The following MACF1 variants were observed in gnomAD, a reference collection of about 807,000 sequenced individuals.
The protein encoded by MACF1 is microtubule actin crosslinking factor 1.
In MACF1, 193 loss-of-function variants were observed where a neutral mutation model predicts 854.8. The observed-to-expected ratio is 0.23, with a 90% CI of 0.20 to 0.25. The LOEUF (loss-of-function observed/expected upper bound fraction) is 0.25, where lower values mean the gene tolerates loss of function less well. MACF1 is among the 10% of genes least tolerant of loss of function. The probability of loss-of-function intolerance (pLI) is 1.00; values close to 1 mark genes in which losing one functional copy is unlikely to be tolerated. For missense variants in MACF1, 7,722 were observed against 8,929.1 expected (o/e 0.86, Z 5.45); for synonymous variants, 3,185 against 3,226.7 (o/e 0.99, Z 0.44).
At chr1:39,426,075 A>G (rs1422968944) in intron 61 of MACF1, among the ~76,000 whole-genome samples, 1 of 152,194 alleles carries the variant, frequency 6.6e-6, no homozygotes. Context: ...TCCAAAATCA[A>G]ATGAGTAAGA....
In MACF1 at chr1:39,422,717, G is replaced by C. The variant is rs367565827; in HGVS notation, c.15979-13G>C. ...CTCCGTTCTCATAATGAACCTACATGTTCATGATACAGGTCGCACAAAGAA... is the reference window on the plus strand; with the variant it reads ...CTCCGTTCTCATAATGAACCTACATCTTCATGATACAGGTCGCACAAAGAA... On this transcript the variant is annotated splice_polypyrimidine_tract_variant and intron_variant, in intron 59 of 100. Coordinates refer to ENST00000564288, the MANE Select transcript of MACF1 (RefSeq NM_001394062.1). 2 of 1,612,238 alleles carry C rather than the reference G, an allele frequency of 1.2e-6. No individual in the cohort carries two copies. The highest frequency in any genetic ancestry group is 1.7e-6 in the Non-Finnish European group (2 of 1,178,504).
intron 2 of MACF1, among the ~76,000 whole-genome samples, chr1:39,123,709 CTTGTTTTGTTTT>C (rs1157681287): frequency 3.2e-5 from 3 of 94,388 alleles, no homozygotes; most frequent in Non-Finnish European, 6.5e-5. Flanking sequence ...CCGGCTAATT[CTTGTTTTGTTTT>C]TTTTTTTTTT....
Position 39,388,045 on chromosome 1 carries a change from A to C in MACF1, c.15203A>C (p.Tyr5068Ser), listed in dbSNP as rs1198379033. ...CAGGCCCTAGAGCCTCAGGTAGACT[A>C]TCTGAGGAACTTTACTCAGGGTCTG... The part of the protein sequence containing the change: ...VLQALEPQVD[Y>S]LRNFTQGLVE... The change falls in exon 58 of 101, where the codon TAT (tyrosine) becomes TCT (serine). Residue 5068 changes from tyrosine (Y) to serine (S), a missense_variant. By Grantham distance (144) the Tyr-to-Ser change is moderately radical (BLOSUM62 -2). This residue lies in a region of MACF1 where 2,807 missense variants were observed against 3,235.8 expected (regional missense o/e 0.87). Transcript: ENST00000564288. 5.0e-6 allele frequency: 8 copies of C among 1,614,162 alleles called. No homozygotes were observed. The highest frequency in any genetic ancestry group is 6.8e-6 in the Non-Finnish European group (8 of 1,180,028).
chr1:39,483,141 C>T (rs1450577120), intron 99 of MACF1, among the ~76,000 whole-genome samples: 11 of 149,044 alleles, frequency 7.4e-5, no homozygotes, highest in Non-Finnish European at 1.5e-4. Context: ...ACTCTTTTTC[C>T]TCCAGTTAAG....
intron 6 of MACF1, among the ~76,000 whole-genome samples, chr1:39,280,769 G>A (rs1046275536): frequency 4.0e-5 from 6 of 151,864 alleles, no homozygotes; most frequent in African/African-American, 1.5e-4. Context: ...GTAGAGATGG[G>A]GTTTCACCAT....
At chr1:39,150,658 T>G (rs1222632662) in intron 2 of MACF1, among the ~76,000 whole-genome samples, 1 of 152,162 alleles carries the variant, frequency 6.6e-6, no homozygotes, top group Admixed American at 6.6e-5. Context: ...TCTGCTACAC[T>G]GAAATTGCAG....
chr1:39,457,122 A>G (rs1396265271), intron 89 of MACF1: 1 of 152,258 alleles, frequency 6.6e-6, no homozygotes, highest in Non-Finnish European at 1.5e-5. Context: ...AAGCTTCTGC[A>G]TCTTTTTCAT....
upstream of MACF1, among the ~76,000 whole-genome samples, chr1:39,200,154 A>G (rs572935769): frequency 2.0e-5 from 3 of 152,252 alleles, no homozygotes; most frequent in South Asian, 2.1e-4. Context: ...TCAGTTCTCA[A>G]TCCTCAACTT....
At chr1:39,292,438 A>G (rs912231353) in intron 16 of MACF1, among the ~76,000 whole-genome samples, 1 of 152,110 alleles carries the variant, frequency 6.6e-6, no homozygotes, top group Admixed American at 6.5e-5. Flanking sequence ...TCACTGTTCT[A>G]TCTTCCCAGT....
At chr1:39,405,992 A>T (rs1486813555) in intron 58 of MACF1, among the ~76,000 whole-genome samples, 10 of 152,106 alleles carry the variant, frequency 6.6e-5, no homozygotes, top group African/African-American at 2.4e-4. Flanking sequence ...TAAACTAAGG[A>T]GAAACTCATG....
At position 39,463,668 on chromosome 1, in the gene MACF1, C is replaced by A. The variant is rs770919089; in HGVS notation, c.21735C>A (p.Ile7245=). The change falls in exon 94 of 101, where the codon ATC becomes ATA. Residue 7245 remains isoleucine (I), a synonymous_variant. Coordinates refer to ENST00000564288, the MANE Select transcript of MACF1 (RefSeq NM_001394062.1). The part of the protein sequence containing the change: ...KCAKRFQVEQ[I]GENKYRFFLG... ...CAAAAAGGTTTCAGGTGGAGCAGATCGGAGAGAATAAATACCGGGTAAGGA... is the reference window on the plus strand; with the variant it reads ...CAAAAAGGTTTCAGGTGGAGCAGATAGGAGAGAATAAATACCGGGTAAGGA... 1.2e-6 allele frequency: 2 copies of A among 1,612,892 alleles called. No individual in the cohort carries two copies. Among genetic ancestry groups the A allele is most frequent in the African/African-American group, 2.7e-5 (2 of 74,826 alleles).
At chr1:39,088,262 G>A (rs759847526) in intron 2 of MACF1, among the ~76,000 whole-genome samples, 2 of 152,062 alleles carry the variant, frequency 1.3e-5, no homozygotes, top group African/African-American at 2.4e-5. Context: ...GTGAGCCACC[G>A]CGCCTGGCCC....
chr1:39,438,048 T>TA (rs1177035213), intron 71 of MACF1, 40 bp downstream of exon 71: 6 of 1,567,838 alleles, frequency 3.8e-6, no homozygotes, highest in Non-Finnish European at 5.2e-6. Context: ...ATCAACAGAA[T>TA]AAATTCTAGG....
In MACF1 at chr1:39,424,173, T is replaced by G; in HGVS notation, c.16295T>G (p.Leu5432Arg). 6.2e-7 allele frequency: 1 copy of G among 1,613,668 alleles called. No individual in the cohort carries two copies. The highest frequency in any genetic ancestry group is 8.5e-7 in the Non-Finnish European group (1 of 1,179,868). Residue 5432 changes from leucine (L) to arginine (R), a missense_variant, in exon 61 of 101, where the codon CTA (leucine) becomes CGA (arginine). Coordinates refer to ENST00000564288, the MANE Select transcript of MACF1 (RefSeq NM_001394062.1). ...LESLESRWTELLSKAAARQKQ... is the reference protein window; with the variant it reads ...LESLESRWTERLSKAAARQKQ... ...AGTCTTGAAAGTAGATGGACTGAAC[T>G]ACTCAGTAAGGCAGCAGCCAGGTAA...
intron 58 of MACF1, among the ~76,000 whole-genome samples, chr1:39,408,801 G>C (rs1642829357): frequency 6.6e-6 from 1 of 152,006 alleles, no homozygotes; most frequent in Non-Finnish European, 1.5e-5. Context: ...GGCGTGGGCT[G>C]CGGGAGCCGA....
In MACF1 at chr1:39,332,378, A is replaced by G. The variant is rs138717931; in HGVS notation, c.5790A>G (p.Gln1930=). 1.8e-4 allele frequency: 294 copies of G among 1,614,106 alleles called. No homozygotes were observed. The African/African-American group carries it at 3.2e-3, about 18-fold the overall frequency. The change falls in exon 37 of 101, where the codon CAA becomes CAG. Residue 1930 remains glutamine (Q), a synonymous_variant. Transcript: ENST00000564288. The part of the protein sequence containing the change: ...ICIPDVMPHM[Q]LADSAEQNIN... ...TACCTGATGTGATGCCCCACATGCA[A>G]CTAGCAGACTCTGCAGAACAAAATA...
rs773034088 is a variant in MACF1 at position 39,084,450 on chromosome 1, C to T, written c.220+12C>T. On this transcript the variant is annotated intron_variant, in intron 2 of 93. Coordinates refer to the MACF1 transcript ENST00000361689. This position sits in a 1 kb window ranked among gnomAD's most constrained non-coding sequence, Gnocchi z 5.2. Reference sequence around the variant, plus strand: ...GGTCAGAGTCGCTGGTAAGAGAGGTCCCCCAGCAGGCTGGACGCTGTGGGT... The same window carrying T: ...GGTCAGAGTCGCTGGTAAGAGAGGTTCCCCAGCAGGCTGGACGCTGTGGGT... 3.7e-6 allele frequency: 6 copies of T among 1,601,528 alleles called. No homozygotes were observed. The highest frequency in any genetic ancestry group is 2.7e-5 in the African/African-American group (2 of 74,934).
intron 2 of MACF1, among the ~76,000 whole-genome samples, chr1:39,144,002 A>ATGATC (rs1643406694): frequency 1.3e-5 from 2 of 149,472 alleles, no homozygotes; most frequent in African/African-American, 4.9e-5. Flanking sequence ...GTTAGCCAGG[A>ATGATC]TGATCTTGAT....
intron 15 of MACF1, among the ~76,000 whole-genome samples, chr1:39,288,301 A>T (rs1249776369): frequency 6.6e-6 from 1 of 151,934 alleles, no homozygotes; most frequent in Admixed American, 6.6e-5. Context: ...GATCGAGACC[A>T]TCCTGGCTAA....
Sources: gnomAD v4.1 joint callset for allele counts (sites outside exome capture counted in the v4.1 genomes callset) on GRCh38, gnomAD v4.1.1 for gene constraint, gnomAD v4.1.1 regional missense constraint, Gnocchi (gnomAD v3.1) non-coding constraint, MANE v1.5 for transcripts, NCBI Gene and HGNC (gene_info 2026-07-23, HGNC 2026-07-21) for gene names.